Variants in CLCN2 observed in about 807,000 individuals in gnomAD.
CLCN2 encodes the protein chloride channel protein 2.
In CLCN2, 72 loss-of-function variants were observed where a neutral mutation model predicts 108.3. That is an observed-to-expected ratio of 0.66 (90% confidence interval 0.55 to 0.81). CLCN2 has a LOEUF of 0.81. CLCN2 is among the 30% of genes least tolerant of loss of function. CLCN2 has a pLI of 0.00. For missense variants in CLCN2, 1,048 were observed against 1,205.2 expected (o/e 0.87, Z 1.93); for synonymous variants, 471 against 467.1 (o/e 1.01, Z -0.11).
intron 3 of CLCN2, 158 bp from the exon 4 acceptor site, chr3:184,358,468 G>A (rs1321603878): frequency 1.9e-5 from 22 of 1,158,900 alleles, no homozygotes; most frequent in Admixed American, 3.9e-5. Flanking sequence ...GGGACAAAGC[G>A]CAATCTAGGC....
chr3:184,354,472 C>T, intron 14 of CLCN2, 76 bp downstream of exon 14: 2 of 1,341,982 alleles, frequency 1.5e-6, no homozygotes, highest in Non-Finnish European at 2.1e-6. Context: ...CAGCAGGGGG[C>T]ACCAGAGTCT....
rs1728491400 is a variant in CLCN2 at position 184,355,624 on chromosome 3, C to T, written c.1170+70G>A. ...GGGAACAAGGGGTCCCACAGTCACACTGGGGCTGTTGGCTTTGGAGGAATG... is the reference window on the plus strand; with the variant it reads ...GGGAACAAGGGGTCCCACAGTCACATTGGGGCTGTTGGCTTTGGAGGAATG... On this transcript the variant is annotated intron_variant, in intron 11 of 23. Coordinates refer to ENST00000265593, the MANE Select transcript of CLCN2 (RefSeq NM_004366.6). The surrounding 1 kb of genome is among the most constrained non-coding windows in gnomAD (Gnocchi z 6.3). 4 of 1,600,510 alleles carry T rather than the reference C, an allele frequency of 2.5e-6. No homozygotes were observed. The highest frequency in any genetic ancestry group is 2.2e-5 in the East Asian group (1 of 44,796).
At position 184,346,406 on chromosome 3, in the gene CLCN2, G is replaced by C; in HGVS notation, c.*200C>G. ...GGCAGGGCCTATCTTCCTGCCTCTG[G>C]AAGACTTGTTGCAGGTGGGTAGTGG... is the stretch of plus-strand genomic sequence containing the variant. On this transcript the variant is annotated 3_prime_UTR_variant, in exon 24 of 24. Coordinates refer to ENST00000265593, the MANE Select transcript of CLCN2 (RefSeq NM_004366.6). The surrounding 1 kb of genome is among the most constrained non-coding windows in gnomAD (Gnocchi z 6.0). 1 of 652,490 alleles carries C rather than the reference G, an allele frequency of 1.5e-6. No individual in the cohort carries two copies. Among genetic ancestry groups the C allele is most frequent in the East Asian group, 2.8e-5 (1 of 36,166 alleles). 40.4% of individuals were successfully genotyped at this position (652,490 alleles called of 1,614,324 possible). A position where few individuals can be genotyped will look rare whatever the true frequency, so the allele number is the denominator to read the frequency against.
In CLCN2 at chr3:184,357,866, G is replaced by A. The variant is rs1711517488; in HGVS notation, c.616-10C>T. The A allele has an allele frequency of 2.5e-6, 4 of 1,613,654 alleles. No individual in the cohort carries two copies. Among genetic ancestry groups the A allele is most frequent in the Admixed American group, 1.7e-5 (1 of 60,006 alleles). On this transcript the variant is annotated splice_polypyrimidine_tract_variant and intron_variant, in intron 5 of 23. Transcript: ENST00000265593. ...TATGCACAAAAGGGCCCTGCGGGGT[G>A]GGGCAGGCGGTGAGTCGGGAGGGGG...
At position 184,360,263 on chromosome 3, in the gene CLCN2, G is replaced by T. The variant is rs73887464; in HGVS notation, c.64-1132C>A. Among the ~76,000 whole-genome samples, 961 of 152,136 alleles carry T rather than the reference G, an allele frequency of 6.3e-3. 6 individuals are homozygous for T. Among genetic ancestry groups the T allele is most frequent in the African/African-American group, 0.022 (909 of 41,472 alleles). ...GGATGGTGAAGGGGGGCGGGAGCAG[G>T]CTGGAGCACAGAGTGCCCGGGACAG... On this transcript the variant is annotated intron_variant, in intron 1 of 23. Transcript: ENST00000265593.
Position 184,351,998 on chromosome 3 carries a change from G to C in CLCN2, c.2415+15C>G, listed in dbSNP as rs1172013205. 1.9e-6 allele frequency: 3 copies of C among 1,600,048 alleles called. No individual in the cohort carries two copies. Among genetic ancestry groups the C allele is most frequent in the Admixed American group, 3.3e-5 (2 of 59,990 alleles). ...GAGAGCCTAGACCAGCCCTGGGCCAGGCTGCTGGCCCTACCTTGTGCAAAG... is the reference window on the plus strand; with the variant it reads ...GAGAGCCTAGACCAGCCCTGGGCCACGCTGCTGGCCCTACCTTGTGCAAAG... On this transcript the variant is annotated intron_variant, in intron 22 of 23. Transcript: ENST00000265593.
intron 19 of CLCN2, 102 bp downstream of exon 19, chr3:184,352,635 G>C (rs1198618578): frequency 5.4e-6 from 8 of 1,479,366 alleles, no homozygotes; most frequent in Non-Finnish European, 7.5e-6. Flanking sequence ...CCGAAGGGCA[G>C]GGAGAATAGA....
At chr3:184,358,914 A>G in intron 2 of CLCN2, 61 bp downstream of exon 2, 1 of 1,613,292 alleles carries the variant, frequency 6.2e-7, no homozygotes, top group Non-Finnish European at 8.5e-7. Flanking sequence ...AGCAGCTCTA[A>G]TGGCCTCTGC....
intron 3 of CLCN2, 34 bp downstream of exon 3, chr3:184,358,648 T>C: frequency 6.4e-7 from 1 of 1,555,872 alleles, no homozygotes; most frequent in Non-Finnish European, 8.7e-7. Context: ...GGAGGTTTAT[T>C]CCCAGTCCTC....
Position 184,354,711 on chromosome 3 carries a change from G to T in CLCN2, c.1397-53C>A. 2.8e-6 allele frequency: 4 copies of T among 1,411,426 alleles called. No homozygotes were observed. In the Admixed American group the frequency reaches 5.1e-5, roughly 18 times the overall value. The allele number at this position is 1,411,426 out of a possible 1,614,324, so 87.4% of individuals were successfully genotyped here. On this transcript the variant is annotated intron_variant, in intron 13 of 23. Transcript: ENST00000265593. ...GAGGCAGTGGAGGGGGAGGGCAGGG[G>T]GCACTAGGAAGAGAGAGGGTCAGAG...
At chr3:184,358,858 C>G in intron 2 of CLCN2, 45 bp from the exon 3 acceptor site, 1 of 1,613,856 alleles carries the variant, frequency 6.2e-7, no homozygotes, top group Non-Finnish European at 8.5e-7. Context: ...CACCAAAGTG[C>G]TCCTACCCCT....
At position 184,353,139 on chromosome 3, in the gene CLCN2, T is replaced by G. The variant is rs1205661546; in HGVS notation, c.2037A>C (p.Thr679=). ...GGGCTGCTGGGAAGGCTGAGTCTTC[T>G]GTGTTCACCTGCATAGGCAGGAAGG... ...PEASVCFQVN[T]EDSAFPAARG... is the part of the protein sequence containing the mutation. The change falls in exon 18 of 24, where the codon ACA becomes ACC. Residue 679 remains threonine, a synonymous_variant. Transcript: ENST00000265593. 6.2e-6 allele frequency: 10 copies of G among 1,614,194 alleles called. No individual in the cohort carries two copies. The South Asian group carries it at 7.7e-5, about 12-fold the overall frequency.
In CLCN2 at chr3:184,354,284, T is replaced by C; in HGVS notation, c.1538A>G (p.His513Arg). 1 of 1,612,904 alleles carries C rather than the reference T, an allele frequency of 6.2e-7. No homozygotes were observed. Among genetic ancestry groups the C allele is most frequent in the Non-Finnish European group, 8.5e-7 (1 of 1,179,912 alleles). The change falls in exon 15 of 24, where the codon CAC becomes CGC. Residue 513 changes from histidine (H) to arginine (R), a missense_variant. Transcript: ENST00000265593. ...CACGATCACAGCCGTGGACACTGTG[T>C]GTGTCACCGCTCCTGCCAGCGCAGC... ...GAAALAGAVT[H>R]TVSTAVIVFE...
intron 1 of CLCN2, among the ~76,000 whole-genome samples, chr3:184,360,401 G>A (rs1309757147): frequency 2.6e-5 from 4 of 152,042 alleles, no homozygotes; most frequent in Non-Finnish European, 5.9e-5. Context: ...CCTTGACCAT[G>A]CTCCTATCCT....
Position 184,354,006 on chromosome 3 carries a change from G to A in CLCN2, c.1721+95C>T, listed in dbSNP as rs567119781. 60 of 1,419,876 alleles carry A rather than the reference G, an allele frequency of 4.2e-5. No individual in the cohort carries two copies. Among genetic ancestry groups the A allele is most frequent in the Admixed American group, 3.5e-4 (19 of 53,612 alleles). 88.0% of individuals were successfully genotyped at this position (1,419,876 alleles called of 1,614,324 possible). A position where few individuals can be genotyped will look rare whatever the true frequency, so the allele number is the denominator to read the frequency against. On this transcript the variant is annotated intron_variant, in intron 15 of 23. Transcript: ENST00000265593. ...CGAAGGTGGCTCATCTCCCAGCTTCGTAGGCTCCAGGACCTTGCTAGAGGT... is the reference window on the plus strand; with the variant it reads ...CGAAGGTGGCTCATCTCCCAGCTTCATAGGCTCCAGGACCTTGCTAGAGGT...
rs1728307993 is a variant in CLCN2, at chr3:184,353,697, G to A, written c.1820C>T (p.Thr607Ile). Reference protein sequence around the residue: ...FRDLRLALHRTKGRMLALVES... With the variant: ...FRDLRLALHRIKGRMLALVES... Reference sequence around the variant, plus strand: ...CACTAGGGCCAGCATTCGGCCCTTGGTCCTGTGCAGTGCCAAACGCAGGTC... The same window carrying A: ...CACTAGGGCCAGCATTCGGCCCTTGATCCTGTGCAGTGCCAAACGCAGGTC... Residue 607 changes from threonine to isoleucine, a missense_variant, in exon 16 of 24, where the codon ACC becomes ATC. Transcript: ENST00000265593. 1.9e-6 allele frequency: 3 copies of A among 1,611,696 alleles called. No individual in the cohort carries two copies. The highest frequency in any genetic ancestry group is 8.5e-7 in the Non-Finnish European group (1 of 1,179,460).
At position 184,357,751 on chromosome 3, in the gene CLCN2, C is replaced by T. The variant is rs1290924981; in HGVS notation, c.693+28G>A. The T allele has an allele frequency of 9.9e-6, 16 of 1,613,850 alleles. No homozygotes were observed. The East Asian group carries it at 1.3e-4, about 13-fold the overall frequency. On this transcript the variant is annotated intron_variant, in intron 6 of 23. Coordinates refer to ENST00000265593, the MANE Select transcript of CLCN2 (RefSeq NM_004366.6). ...CAGCTGTGGGCTCAGCAGCCTCTGCCCCCTACTTGCCCCAGGGTTCCCCTT... is the reference window on the plus strand; with the variant it reads ...CAGCTGTGGGCTCAGCAGCCTCTGCTCCCTACTTGCCCCAGGGTTCCCCTT...
At chr3:184,354,486 A>G in intron 14 of CLCN2, 62 bp downstream of exon 14, 2 of 1,338,500 alleles carry the variant, frequency 1.5e-6, no homozygotes, top group Non-Finnish European at 2.1e-6. Flanking sequence ...AGAGTCTCGG[A>G]CCCTGTGGCT....
rs1728203575 is a variant in CLCN2, at chr3:184,352,676, T to C, written c.2217+61A>G. 5.7e-6 allele frequency: 9 copies of C among 1,568,750 alleles called. No homozygotes were observed. The South Asian group carries it at 8.9e-5, about 16-fold the overall frequency. On this transcript the variant is annotated intron_variant, in intron 19 of 23. Coordinates refer to ENST00000265593, the MANE Select transcript of CLCN2 (RefSeq NM_004366.6). ...GCACTGCAGGGTTAATGACGTGGTC[T>C]CAGCATTGGAGAGGGAGCTGGGGAA...
Sources: allele counts gnomAD v4.1 joint callset (sites outside exome capture counted in the v4.1 genomes callset), GRCh38; gene constraint gnomAD v4.1.1; non-coding constraint Gnocchi (gnomAD v3.1); transcripts MANE v1.5; gene names NCBI Gene and HGNC (gene_info 2026-07-23, HGNC 2026-07-21).